The following IRGM variants were observed in gnomAD, a reference collection of about 807,000 sequenced individuals.
IRGM encodes immunity related GTPase M.
For synonymous variants in IRGM, 98 were observed against 80.6 expected, an observed-to-expected ratio of 1.22 and a Z score of -1.16; for missense variants, 288 against 219.9, an observed-to-expected ratio of 1.31 and a Z score of -1.96.
rs1753906413 is a variant in IRGM at position 150,848,139 on chromosome 5, G to A, written c.16G>A (p.Val6Ile). Residue 6 changes from valine to isoleucine, a missense_variant, in exon 2 of 2, where the codon GTT (valine) becomes ATT (isoleucine). Coordinates refer to ENST00000522154, the MANE Select transcript of IRGM (RefSeq NM_001145805.2). ...TTTATTGAAGATGGAAGCCATGAAT[G>A]TTGAGAAAGCCTCAGCAGATGGGAA... MEAMN[V>I]EKASADGNLP... 4 of 1,545,106 alleles carry A rather than the reference G, an allele frequency of 2.6e-6. No homozygotes were observed. The highest frequency in any genetic ancestry group is 2.4e-5 in the East Asian group (1 of 40,894).
At chr5:150,849,796 C>A (rs193271334), downstream of IRGM, among the ~76,000 whole-genome samples, 872 of 151,742 alleles carry the variant, frequency 5.7e-3, 9 homozygotes, top group African/African-American at 0.02. Flanking sequence ...TAGTAGAGAC[C>A]GGGTTTCACC....
chr5:150,875,942 A>G (rs1018066343), intron 1 of IRGM, among the ~76,000 whole-genome samples: 20 of 152,174 alleles, frequency 1.3e-4, no homozygotes, highest in African/African-American at 4.8e-4. Flanking sequence ...TCCTGTGTAC[A>G]ATGCTTCTGC....
At chr5:150,897,407 A>AAC (rs112582630) in intron 3 of IRGM, 6,894 of 156,992 alleles carry the variant, frequency 0.044, 199 homozygotes, top group East Asian at 0.16. Context: ...CCTAACAACT[A>AAC]ACAAATAATA....
chr5:150,895,356 AAATT>A, intron 3 of IRGM: 1 of 1,257,232 alleles, frequency 8.0e-7, no homozygotes, highest in Non-Finnish European at 1.1e-6. Context: ...CAAGCTTATC[AAATT>A]AATTGGGTTT....
rs539375226 is a variant in IRGM at position 150,848,578 on chromosome 5, T to C, written c.455T>C (p.Leu152Pro). The change falls in exon 2 of 2, where the codon CTC becomes CCC. Residue 152 changes from leucine to proline, a missense_variant. Leu to Pro is a moderately conservative substitution (Grantham distance 98). Coordinates refer to ENST00000522154, the MANE Select transcript of IRGM (RefSeq NM_001145805.2). ...YIVWTKLDMD[L>P]STGALPEVQL... ...GTCTGGACCAAGCTAGACATGGACC[T>C]CAGCACAGGTGCCCTCCCAGAAGTG... is the stretch of plus-strand genomic sequence containing the variant. 4 of 1,551,758 alleles carry C rather than the reference T, an allele frequency of 2.6e-6. No homozygotes were observed. In the African/African-American group the frequency reaches 4.1e-5, roughly 16 times the overall value.
At chr5:150,873,069 G>A (rs12653039) in intron 1 of IRGM, among the ~76,000 whole-genome samples, 19,057 of 152,152 alleles carry the variant, frequency 0.13, 1,559 homozygotes, top group East Asian at 0.39. Context: ...GCCAAGTGGC[G>A]GCACTCAACC....
At chr5:150,894,068 C>T (rs2113303645) in intron 3 of IRGM, among the ~76,000 whole-genome samples, 1 of 152,136 alleles carries the variant, frequency 6.6e-6, no homozygotes. Context: ...GTTTTCACAA[C>T]AGACAGTTTA....
intron 3 of IRGM, among the ~76,000 whole-genome samples, chr5:150,885,847 G>A (rs1008900903): frequency 7.9e-5 from 12 of 152,004 alleles, no homozygotes; most frequent in South Asian, 2.1e-4. Context: ...ATATAGAACC[G>A]TGCTATCTGC....
At chr5:150,898,778 C>T (rs1486903088) in intron 3 of IRGM, among the ~76,000 whole-genome samples, 3 of 151,922 alleles carry the variant, frequency 2.0e-5, no homozygotes, top group Admixed American at 6.6e-5. Flanking sequence ...TTAAAGGCAG[C>T]ATCCAAATAA....
In IRGM at chr5:150,864,552, T is replaced by A. The variant is rs574825548; in HGVS notation, c.159-13428T>A. Among the ~76,000 whole-genome samples the A allele has an allele frequency of 9.6e-4, 147 of 152,334 alleles. 2 individuals carry two copies. Among genetic ancestry groups the A allele is most frequent in the Non-Finnish European group, 1.3e-4 (9 of 68,016 alleles). ...ATTCAATCCTCTCACCTGCAGGTCC[T>A]GTGCTTTCTTCCTTCACTATCATGT... On this transcript the variant is annotated intron_variant and NMD_transcript_variant, in intron 1 of 3. Transcript: ENST00000520549.
chr5:150,853,185 A>G (rs541662980), downstream of IRGM, among the ~76,000 whole-genome samples: 3 of 152,220 alleles, frequency 2.0e-5, no homozygotes, highest in East Asian at 5.8e-4. Context: ...TTTCTTATTT[A>G]ACCCATTGGT....
intron 3 of IRGM, among the ~76,000 whole-genome samples, chr5:150,890,817 T>G (rs1754597775): frequency 6.6e-6 from 1 of 152,096 alleles, no homozygotes; most frequent in Admixed American, 6.6e-5. Flanking sequence ...ATGAATTAAA[T>G]TAGAATCACA....
chr5:150,853,228 T>C (rs151122563), downstream of IRGM, among the ~76,000 whole-genome samples: 595 of 152,298 alleles, frequency 3.9e-3, 8 homozygotes, highest in African/African-American at 0.014. Context: ...TGTCCACATA[T>C]TTGTGAATTT....
At chr5:150,876,371 T>C (rs1754363412) in intron 1 of IRGM, among the ~76,000 whole-genome samples, 2 of 152,194 alleles carry the variant, frequency 1.3e-5, no homozygotes, top group Admixed American at 1.3e-4. Flanking sequence ...CATGACATTA[T>C]ATTCTGCTGG....
intron 3 of IRGM, among the ~76,000 whole-genome samples, chr5:150,886,049 T>C (rs1754517343): frequency 6.6e-6 from 1 of 152,174 alleles, no homozygotes; most frequent in Non-Finnish European, 1.5e-5. Flanking sequence ...TTGTCACAGA[T>C]GGCTCTTAGT....
intron 3 of IRGM, among the ~76,000 whole-genome samples, chr5:150,882,233 A>AG (rs1561749334): frequency 1.3e-5 from 2 of 151,358 alleles, no homozygotes; most frequent in Admixed American, 6.6e-5. Context: ...AAAAGAAAAA[A>AG]AAAAGAAAAA....
At chr5:150,850,061 A>T (rs996767799), downstream of IRGM, among the ~76,000 whole-genome samples, 12 of 152,228 alleles carry the variant, frequency 7.9e-5, no homozygotes, top group Non-Finnish European at 1.8e-4. Context: ...AAAAGCATTC[A>T]TTAAAAAACC....
At chr5:150,874,387 G>A (rs1754332649) in intron 1 of IRGM, among the ~76,000 whole-genome samples, 1 of 152,162 alleles carries the variant, frequency 6.6e-6, no homozygotes, top group Non-Finnish European at 1.5e-5. Flanking sequence ...AAATGAATCT[G>A]ACTAAAATTC....
chr5:150,850,165 T>C (rs1753953591), downstream of IRGM, among the ~76,000 whole-genome samples: 1 of 152,208 alleles, frequency 6.6e-6, no homozygotes, highest in African/African-American at 2.4e-5. Flanking sequence ...CTATTTCTTT[T>C]CCTTTCTTTC....
Sources: allele counts gnomAD v4.1 joint callset (sites outside exome capture counted in the v4.1 genomes callset), GRCh38; gene constraint gnomAD v4.1.1; transcripts MANE v1.5; gene names NCBI Gene and HGNC (gene_info 2026-07-23, HGNC 2026-07-21).